KAZN: variants seen among roughly 807,000 people sequenced by gnomAD.
The protein encoded by KAZN is kazrin, periplakin interacting protein.
Under a neutral mutation model 87.4 loss-of-function variants are expected in KAZN, and 40 were observed. The observed-to-expected ratio is 0.46, with a 90% confidence interval of 0.36 to 0.60. The LOEUF is 0.60. KAZN is among the 20% of genes least tolerant of loss of function. KAZN has a pLI of 0.00. For missense variants in KAZN, 898 were observed against 1,073.9 expected, an observed-to-expected ratio of 0.84 and a Z score of 2.29; for synonymous variants, 466 against 458.3, an observed-to-expected ratio of 1.02 and a Z score of -0.22.
At chr1:14,421,362 G>A (rs1274313765) in intron 2 of KAZN, among the ~76,000 whole-genome samples, 3 of 152,078 alleles carry the variant, frequency 2.0e-5, no homozygotes, top group African/African-American at 7.2e-5. Flanking sequence ...TTTCTTGGGG[G>A]TGCTATGCTC....
chr1:13,928,027 C>CT (rs1218720251), intron 1 of KAZN, among the ~76,000 whole-genome samples: 19 of 152,178 alleles, frequency 1.2e-4, no homozygotes, highest in Non-Finnish European at 2.6e-4. Flanking sequence ...TCCAGCTTGG[C>CT]TCCATCCAAT....
intron 1 of KAZN, among the ~76,000 whole-genome samples, chr1:14,834,131 G>A (rs553382864): frequency 6.6e-6 from 1 of 152,002 alleles, no homozygotes; most frequent in Admixed American, 6.6e-5. Flanking sequence ...TGCCTCCTGG[G>A]TTCAAGCAAT....
At chr1:14,665,946 A>AAT (rs1639517808) in intron 1 of KAZN, among the ~76,000 whole-genome samples, 1 of 151,770 alleles carries the variant, frequency 6.6e-6, no homozygotes, top group African/African-American at 2.4e-5. Context: ...AAAAAAAAAA[A>AAT]AAAAAAATAA....
intron 1 of KAZN, among the ~76,000 whole-genome samples, chr1:14,133,357 C>T (rs1645031592): frequency 2.2e-5 from 2 of 92,992 alleles, no homozygotes; most frequent in South Asian, 3.8e-4. Flanking sequence ...CAGAGTGAGA[C>T]TCCCTCTCAA....
At chr1:14,826,100 G>A (rs954181862) in intron 1 of KAZN, among the ~76,000 whole-genome samples, 24 of 152,154 alleles carry the variant, frequency 1.6e-4, no homozygotes, top group African/African-American at 4.8e-4. Context: ...CATGCTGGCC[G>A]CTGAGTCCCC....
At chr1:14,918,091 A>C (rs1658017516) in intron 1 of KAZN, among the ~76,000 whole-genome samples, 1 of 151,870 alleles carries the variant, frequency 6.6e-6, no homozygotes, top group Non-Finnish European at 1.5e-5. Context: ...GTTGGCCAGG[A>C]TGGTCTCAAT....
chr1:14,161,987 A>T (rs944473753), intron 1 of KAZN, among the ~76,000 whole-genome samples: 30 of 152,338 alleles, frequency 2.0e-4, no homozygotes, highest in African/African-American at 6.7e-4. Context: ...CTTGTTCAAA[A>T]ATGGGAAAAT....
chr1:13,950,752 C>G (rs757659656), intron 1 of KAZN, among the ~76,000 whole-genome samples: 13 of 152,190 alleles, frequency 8.5e-5, no homozygotes, highest in Non-Finnish European at 1.6e-4. Context: ...GCCACTCATT[C>G]TTTGACTTCT....
intron 2 of KAZN, among the ~76,000 whole-genome samples, chr1:14,368,056 G>A (rs777628779): frequency 2.0e-5 from 3 of 152,144 alleles, no homozygotes; most frequent in Non-Finnish European, 4.4e-5. Flanking sequence ...GCGAACGTGG[G>A]GTTTGCCAAC....
At chr1:14,551,372 T>C (rs114761518) in intron 2 of KAZN, among the ~76,000 whole-genome samples, 1,685 of 152,276 alleles carry the variant, frequency 0.011, 29 homozygotes, top group African/African-American at 0.038. Context: ...CTCTCTAGAA[T>C]GGGAAGAACC....
chr1:14,248,385 T>A (rs1446263594), intron 2 of KAZN, among the ~76,000 whole-genome samples: 1 of 152,148 alleles, frequency 6.6e-6, no homozygotes, highest in East Asian at 1.9e-4. Flanking sequence ...GGAGCCAAAG[T>A]AAAAATTATA....
At chr1:14,058,111 G>T (rs1263423024) in intron 1 of KAZN, among the ~76,000 whole-genome samples, 5 of 152,060 alleles carry the variant, frequency 3.3e-5, no homozygotes, top group Non-Finnish European at 5.9e-5. Flanking sequence ...AGAGCCCATT[G>T]TCCTCCATAT....
intron 2 of KAZN, among the ~76,000 whole-genome samples, chr1:14,268,757 A>G (rs933027552): frequency 6.6e-6 from 1 of 152,242 alleles, no homozygotes; most frequent in African/African-American, 2.4e-5. Flanking sequence ...TACAGGTCCC[A>G]ATTTTCACAG....
rs1453415039 is a variant in KAZN, at chr1:15,021,443, G to C, written c.419-13306G>C. On this transcript the variant is annotated intron_variant, in intron 2 of 14. Coordinates refer to ENST00000376030, the MANE Select transcript of KAZN (RefSeq NM_201628.3). This position sits in a 1 kb window ranked among gnomAD's most constrained non-coding sequence, Gnocchi z 4.2. The stretch of plus-strand genomic sequence containing the variant: ...TTGGGAGGAAGGAGGACATTTCCTG[G>C]ACTCCCCTTCAGAGGCTGGAAAACA... Among the ~76,000 whole-genome samples, 1 of 152,136 alleles carries C rather than the reference G, an allele frequency of 6.6e-6. No homozygotes were observed. The highest frequency in any genetic ancestry group is 1.5e-5 in the Non-Finnish European group (1 of 68,018).
chr1:14,085,097 T>C (rs976652364), intron 1 of KAZN, among the ~76,000 whole-genome samples: 9 of 152,188 alleles, frequency 5.9e-5, no homozygotes, highest in African/African-American at 2.2e-4. Context: ...TTCAGTGTGC[T>C]ATTCTTCCCC....
At chr1:14,129,752 G>A (rs756151805) in intron 1 of KAZN, among the ~76,000 whole-genome samples, 3 of 152,224 alleles carry the variant, frequency 2.0e-5, no homozygotes, top group Non-Finnish European at 2.9e-5. Context: ...GGCAGGGGAT[G>A]TGGGAGAGAG....
chr1:15,045,087 C>T (rs1673340623), intron 4 of KAZN, among the ~76,000 whole-genome samples: 1 of 152,294 alleles, frequency 6.6e-6, no homozygotes, highest in South Asian at 2.1e-4. Context: ...TCCTGTGTGA[C>T]CTTGGGCTGC....
intron 1 of KAZN, among the ~76,000 whole-genome samples, chr1:14,910,061 T>TGAATGAATG (rs1553154761): frequency 1.4e-5 from 2 of 147,240 alleles, no homozygotes; most frequent in Non-Finnish European, 3.0e-5. Flanking sequence ...AATAAATAAA[T>TGAATGAATG]AATGAATGAA....
At position 14,923,137 on chromosome 1, in the gene KAZN, G is replaced by C. The variant is rs926053905; in HGVS notation, c.227-37547G>C. Among the ~76,000 whole-genome samples the C allele has an allele frequency of 1.6e-4, 25 of 152,244 alleles. No homozygotes were observed. The highest frequency in any genetic ancestry group is 6.0e-4 in the African/African-American group (25 of 41,460). ...TAGAGCCAAGCCTGGGCAGGGTAAG[G>C]TTGCTAGCATGCTGCCTACAAGGGG... On this transcript the variant is annotated intron_variant, in intron 1 of 14. Coordinates refer to ENST00000376030, the MANE Select transcript of KAZN (RefSeq NM_201628.3). This position sits in a 1 kb window ranked among gnomAD's most constrained non-coding sequence, Gnocchi z 4.2.
Sources: gnomAD v4.1 joint callset for allele counts (sites outside exome capture counted in the v4.1 genomes callset) on GRCh38, gnomAD v4.1.1 for gene constraint, Gnocchi (gnomAD v3.1) non-coding constraint, MANE v1.5 for transcripts, NCBI Gene and HGNC (gene_info 2026-07-23, HGNC 2026-07-21) for gene names.